ZNF804B: variants seen among roughly 807,000 people sequenced by gnomAD.
ZNF804B encodes zinc finger protein 804B, also known as zinc finger 804B.
Under a neutral mutation model 101.4 loss-of-function variants are expected in ZNF804B, and 80 were observed. That is an observed-to-expected ratio of 0.79 (90% confidence interval 0.66 to 0.95). ZNF804B has a LOEUF of 0.95. ZNF804B is among the 40% of genes least tolerant of loss of function. The pLI, the probability that ZNF804B is intolerant of heterozygous loss-of-function variation, is 0.00. For synonymous variants in ZNF804B, 622 were observed against 558.8 expected (o/e 1.11, Z -1.59); for missense variants, 1,673 against 1,561.9 (o/e 1.07, Z -1.20).
intron 2 of ZNF804B, among the ~76,000 whole-genome samples, chr7:89,322,557 C>A (rs1347614644): frequency 6.6e-6 from 1 of 151,972 alleles, no homozygotes; most frequent in Non-Finnish European, 1.5e-5. Flanking sequence ...ATAGAATACA[C>A]AGATTGCCAA....
At chr7:89,188,366 C>T (rs971639150) in intron 1 of ZNF804B, among the ~76,000 whole-genome samples, 2 of 152,032 alleles carry the variant, frequency 1.3e-5, no homozygotes, top group African/African-American at 4.8e-5. Context: ...AGCAGCAGTT[C>T]CCCTATCTCT....
chr7:89,256,852 G>A (rs538374145), intron 2 of ZNF804B, among the ~76,000 whole-genome samples: 62 of 152,266 alleles, frequency 4.1e-4, no homozygotes, highest in African/African-American at 1.4e-3. Context: ...GGCCTTTATG[G>A]CACTAGCAGC....
At chr7:89,151,985 A>G (rs1433243999) in intron 1 of ZNF804B, among the ~76,000 whole-genome samples, 1 of 152,042 alleles carries the variant, frequency 6.6e-6, no homozygotes, top group Non-Finnish European at 1.5e-5. Context: ...ATCAATTTTT[A>G]TAATCTTTTG....
At chr7:89,296,205 A>G (rs907599213) in intron 2 of ZNF804B, among the ~76,000 whole-genome samples, 1 of 152,102 alleles carries the variant, frequency 6.6e-6, no homozygotes, top group Non-Finnish European at 1.5e-5. Flanking sequence ...CTCTTCTAAA[A>G]CACTAAACTT....
chr7:88,892,421 T>A (rs1485333101), intron 1 of ZNF804B, among the ~76,000 whole-genome samples: 1 of 152,260 alleles, frequency 6.6e-6, no homozygotes, highest in Middle Eastern at 3.4e-3. Context: ...TTTCTAGCTT[T>A]ATAAACAAGT....
At chr7:89,028,604 T>C (rs1364981162) in intron 1 of ZNF804B, among the ~76,000 whole-genome samples, 1 of 152,164 alleles carries the variant, frequency 6.6e-6, no homozygotes, top group Admixed American at 6.6e-5. Flanking sequence ...TCATTCTCTG[T>C]GATTTCTTCT....
At chr7:88,770,424 A>G (rs1040787601) in intron 1 of ZNF804B, among the ~76,000 whole-genome samples, 1 of 152,190 alleles carries the variant, frequency 6.6e-6, no homozygotes, top group Non-Finnish European at 1.5e-5. Flanking sequence ...GACTTCTTGA[A>G]TCTGGAAAGG....
Position 89,334,596 on chromosome 7 carries a change from G to T in ZNF804B, c.1614G>T (p.Thr538=). The change falls in exon 4 of 4, where the codon ACG becomes ACT. Residue 538 remains threonine, a synonymous_variant. Transcript: ENST00000333190. ...ATTATCAATATCCGAAACCAAAGAC[G>T]ATGATAGCTAATCCGGATTGGGAAA... The part of the protein sequence containing the change: ...QEDYQYPKPK[T]MIANPDWEKF... The T allele has an allele frequency of 6.2e-7, 1 of 1,613,752 alleles. No homozygotes were observed. Among genetic ancestry groups the T allele is most frequent in the Non-Finnish European group, 8.5e-7 (1 of 1,179,838 alleles).
chr7:88,842,548 A>G (rs17164677), intron 1 of ZNF804B, among the ~76,000 whole-genome samples: 3,937 of 152,350 alleles, frequency 0.026, 131 homozygotes, highest in African/African-American at 0.073. Flanking sequence ...TGGCAGCACT[A>G]GAGCTACAGA....
At chr7:89,029,988 A>G (rs1268500313) in intron 1 of ZNF804B, among the ~76,000 whole-genome samples, 2 of 152,322 alleles carry the variant, frequency 1.3e-5, no homozygotes, top group African/African-American at 4.8e-5. Flanking sequence ...AACTAAATAT[A>G]TCAGGGTTGT....
chr7:88,928,023 A>G (rs1007046762), intron 1 of ZNF804B, among the ~76,000 whole-genome samples: 2 of 151,946 alleles, frequency 1.3e-5, no homozygotes, highest in Admixed American at 6.6e-5. Context: ...GCCCATTTGT[A>G]TATCTCTAAG....
chr7:89,248,135 G>C (rs1263390918), intron 2 of ZNF804B, among the ~76,000 whole-genome samples: 1 of 152,072 alleles, frequency 6.6e-6, no homozygotes, highest in Non-Finnish European at 1.5e-5. Flanking sequence ...TGAATTCCTG[G>C]CATTCCTGAA....
chr7:89,221,285 A>C (rs1584065100), intron 2 of ZNF804B, among the ~76,000 whole-genome samples: 1 of 152,116 alleles, frequency 6.6e-6, no homozygotes, highest in Non-Finnish European at 1.5e-5. Flanking sequence ...TCTTATAAGC[A>C]CCACCGCCTG....
intron 1 of ZNF804B, among the ~76,000 whole-genome samples, chr7:88,956,152 C>T (rs1017671658): frequency 1.3e-5 from 2 of 151,512 alleles, no homozygotes; most frequent in African/African-American, 2.4e-5. Context: ...CAAATTAGTA[C>T]AGTCATCTTG....
At chr7:89,010,432 G>A (rs888266456) in intron 1 of ZNF804B, among the ~76,000 whole-genome samples, 2 of 152,134 alleles carry the variant, frequency 1.3e-5, no homozygotes, top group Non-Finnish European at 2.9e-5. Flanking sequence ...TCTTAGTAGA[G>A]AGGTTCTCTC....
intron 2 of ZNF804B, among the ~76,000 whole-genome samples, chr7:89,236,720 C>G (rs575029621): frequency 6.4e-4 from 98 of 152,096 alleles, no homozygotes; most frequent in African/African-American, 2.2e-3. Context: ...TGAAATCATT[C>G]TCTTAGATTT....
chr7:88,867,342 G>A (rs1019731645), intron 1 of ZNF804B, among the ~76,000 whole-genome samples: 5 of 152,226 alleles, frequency 3.3e-5, no homozygotes, highest in Admixed American at 1.3e-4. Context: ...AAACAGGGAA[G>A]CCTGTGGTGT....
chr7:88,938,712 A>G (rs1289468316), intron 1 of ZNF804B, among the ~76,000 whole-genome samples: 1 of 152,040 alleles, frequency 6.6e-6, no homozygotes, highest in Non-Finnish European at 1.5e-5. Flanking sequence ...GCAAAACAGG[A>G]GGAAAAGTAG....
chr7:88,798,044 T>C (rs2115702904), intron 1 of ZNF804B, among the ~76,000 whole-genome samples: 1 of 152,188 alleles, frequency 6.6e-6, no homozygotes, highest in East Asian at 1.9e-4. Flanking sequence ...TTTTGTGCAC[T>C]GCTTTTTCCA....
Sources: allele counts gnomAD v4.1 joint callset (sites outside exome capture counted in the v4.1 genomes callset), GRCh38; gene constraint gnomAD v4.1.1; transcripts MANE v1.5; gene names NCBI Gene and HGNC (gene_info 2026-07-23, HGNC 2026-07-21).